Variants in VWC2 observed in about 807,000 individuals in gnomAD.
VWC2 encodes the protein von Willebrand factor C domain containing 2.
Under a neutral mutation model 29.8 loss-of-function variants are expected in VWC2, and 14 were observed. That is an observed-to-expected ratio of 0.47 (90% CI 0.31 to 0.74). The LOEUF (loss-of-function observed/expected upper bound fraction) is 0.74, where lower values mean the gene tolerates loss of function less well. Ranked by LOEUF, VWC2 falls within the 30% of genes least tolerant of loss-of-function variation. The probability of loss-of-function intolerance (pLI) is 0.05; values close to 1 mark genes in which losing one functional copy is unlikely to be tolerated. For synonymous variants in VWC2, 213 were observed against 199.0 expected (o/e 1.07, Z -0.59); for missense variants, 457 against 459.8 (o/e 0.99, Z 0.05).
At chr7:49,864,107 G>T (rs1314305968) in intron 3 of VWC2, among the ~76,000 whole-genome samples, 1 of 152,068 alleles carries the variant, frequency 6.6e-6, no homozygotes, top group Non-Finnish European at 1.5e-5. Context: ...GGCTGTGATT[G>T]TTTGTCTGTT....
intron 3 of VWC2, among the ~76,000 whole-genome samples, chr7:49,812,178 A>G (rs999139520): frequency 2.0e-5 from 3 of 152,228 alleles, no homozygotes; most frequent in African/African-American, 7.2e-5. Context: ...GTCGCAAATC[A>G]TCATGAGGGA....
intron 3 of VWC2, among the ~76,000 whole-genome samples, chr7:49,819,586 A>G (rs1336764616): frequency 6.6e-6 from 1 of 152,226 alleles, no homozygotes; most frequent in Non-Finnish European, 1.5e-5. Flanking sequence ...AGAGAAACCA[A>G]CAAGTTTATT....
chr7:49,884,461 C>T (rs1351694), intron 3 of VWC2, among the ~76,000 whole-genome samples: 107,495 of 151,944 alleles, frequency 0.71, 38,507 homozygotes, highest in East Asian at 0.88. Context: ...AACAGCAATT[C>T]GGGGTGGGGT....
At chr7:49,828,043 G>T (rs932248054) in intron 3 of VWC2, among the ~76,000 whole-genome samples, 2 of 151,938 alleles carry the variant, frequency 1.3e-5, no homozygotes, top group Non-Finnish European at 2.9e-5. Flanking sequence ...CACCCTACCT[G>T]CCAGAAATAC....
intron 3 of VWC2, among the ~76,000 whole-genome samples, chr7:49,838,576 G>A (rs1789718930): frequency 6.6e-6 from 1 of 151,926 alleles, no homozygotes; most frequent in Admixed American, 6.6e-5. Flanking sequence ...GTGTCTCTGG[G>A]ACAGGCTGCA....
chr7:49,791,028 A>G (rs1788453628), intron 2 of VWC2, among the ~76,000 whole-genome samples: 1 of 152,106 alleles, frequency 6.6e-6, no homozygotes, highest in Admixed American at 6.5e-5. Context: ...ACTTCAGTTC[A>G]GGCAGAGACC....
intron 3 of VWC2, among the ~76,000 whole-genome samples, chr7:49,863,581 ACCACC>A (rs1329820879): frequency 3.3e-5 from 5 of 152,030 alleles, no homozygotes; most frequent in Admixed American, 3.3e-4. Context: ...ACAGGTGTGC[ACCACC>A]ATGCCCAGAT....
intron 2 of VWC2, among the ~76,000 whole-genome samples, chr7:49,799,708 T>G (rs1315097499): frequency 6.6e-6 from 1 of 152,222 alleles, no homozygotes; most frequent in African/African-American, 2.4e-5. Flanking sequence ...AAATGCATCC[T>G]TAGGTGATTT....
chr7:49,855,941 A>T (rs1790400647), intron 3 of VWC2, among the ~76,000 whole-genome samples: 1 of 152,172 alleles, frequency 6.6e-6, no homozygotes, highest in African/African-American at 2.4e-5. Context: ...ATCCACTGAG[A>T]GACACTAAGC....
intron 3 of VWC2, among the ~76,000 whole-genome samples, chr7:49,836,421 G>A (rs150538030): frequency 5.4e-5 from 8 of 148,188 alleles, no homozygotes; most frequent in African/African-American, 2.0e-4. Flanking sequence ...TTGAGGTAGC[G>A]AGTTCAAAAC....
Position 49,775,585 on chromosome 7 carries a change from C to T in VWC2, c.150C>T (p.His50=), listed in dbSNP as rs201551578. 1.2e-3 allele frequency: 1,832 copies of T among 1,538,600 alleles called. 18 individuals are homozygous for T. The African/African-American group carries it at 0.023, about 19-fold the overall frequency. The change falls in exon 2 of 4, where the codon CAC becomes CAT. Residue 50 remains histidine, a synonymous_variant. Coordinates refer to ENST00000340652, the MANE Select transcript of VWC2 (RefSeq NM_198570.5). The stretch of plus-strand genomic sequence containing the variant: ...AGCCGGGCCAGGAGAAGCGTGAGCA[C>T]GCCTCTCGGGACGGCCCGGGGCGGG... ...PEQPGQEKRE[H]ASRDGPGRVN...
chr7:49,780,159 C>T (rs564802975), intron 2 of VWC2, among the ~76,000 whole-genome samples: 8 of 152,276 alleles, frequency 5.3e-5, no homozygotes, highest in Middle Eastern at 6.8e-3. Flanking sequence ...GTGCTTATGA[C>T]GAAGGCACGG....
chr7:49,830,229 A>C (rs1789493879), intron 3 of VWC2, among the ~76,000 whole-genome samples: 1 of 152,094 alleles, frequency 6.6e-6, no homozygotes, highest in African/African-American at 2.4e-5. Context: ...GGCAAGTTGT[A>C]GAATCTTTTA....
At chr7:49,779,738 T>C (rs809967) in intron 2 of VWC2, among the ~76,000 whole-genome samples, 80,094 of 152,052 alleles carry the variant, frequency 0.53, 22,244 homozygotes, top group African/African-American at 0.7. Context: ...TCCAAGATTT[T>C]CAGACTTCCA....
chr7:49,903,692 A>C (rs1017886678), intron 3 of VWC2, among the ~76,000 whole-genome samples: 6 of 152,202 alleles, frequency 3.9e-5, no homozygotes, highest in Admixed American at 2.6e-4. Context: ...ACATAGACGT[A>C]TATGCACATA....
chr7:49,905,220 G>T (rs1356798283), intron 3 of VWC2, among the ~76,000 whole-genome samples: 2 of 152,114 alleles, frequency 1.3e-5, no homozygotes, highest in Non-Finnish European at 2.9e-5. Context: ...TTCAACATGG[G>T]CAGTTCTATG....
At chr7:49,785,468 A>G (rs979103610) in intron 2 of VWC2, among the ~76,000 whole-genome samples, 5 of 152,228 alleles carry the variant, frequency 3.3e-5, no homozygotes, top group Non-Finnish European at 5.9e-5. Flanking sequence ...AAATTAAGAT[A>G]GTTCCAAGAG....
intron 3 of VWC2, among the ~76,000 whole-genome samples, chr7:49,859,912 T>C (rs530645174): frequency 7.0e-4 from 106 of 152,122 alleles, no homozygotes; most frequent in Non-Finnish European, 9.1e-4. Context: ...GGAGTTTTTC[T>C]ATCTAGATAT....
chr7:49,847,457 T>C (rs691636), intron 3 of VWC2, among the ~76,000 whole-genome samples: 117,666 of 151,952 alleles, frequency 0.77, 45,790 homozygotes, highest in East Asian at 0.89. Flanking sequence ...ATTATTAGTT[T>C]AGTGCTATTA....
Sources: allele counts gnomAD v4.1 joint callset (sites outside exome capture counted in the v4.1 genomes callset), GRCh38; gene constraint gnomAD v4.1.1; transcripts MANE v1.5; gene names NCBI Gene and HGNC (gene_info 2026-07-23, HGNC 2026-07-21).